SSBP3: variants seen among roughly 807,000 people sequenced by gnomAD.
SSBP3 encodes the protein single stranded DNA binding protein 3.
In SSBP3, 5 loss-of-function variants were observed where a neutral mutation model predicts 69.6. That is an observed-to-expected ratio of 0.07 (90% confidence interval 0.04 to 0.15). The LOEUF is 0.15. Ranked by LOEUF, SSBP3 falls within the 10% of genes least tolerant of loss-of-function variation. The pLI, the probability that SSBP3 is intolerant of heterozygous loss-of-function variation, is 1.00. For missense variants in SSBP3, 312 were observed against 534.0 expected (o/e 0.58, Z 4.10); for synonymous variants, 196 against 193.4 (o/e 1.01, Z -0.11).
chr1:54,346,682 G>A (rs1409896034), intron 4 of SSBP3, among the ~76,000 whole-genome samples: 5 of 151,978 alleles, frequency 3.3e-5, no homozygotes, highest in African/African-American at 1.2e-4. Flanking sequence ...GGGCATGGTC[G>A]TGGGCACCTG....
At chr1:54,225,875 C>G (rs544360498) in exon 18 of SSBP3, 1 of 152,616 alleles carries the variant, frequency 6.6e-6, no homozygotes, top group East Asian at 1.9e-4. Context: ...GTTTGGTTGT[C>G]GGTGTCCCCC....
chr1:54,301,949 C>A (rs1479477222), intron 4 of SSBP3, among the ~76,000 whole-genome samples: 2 of 152,242 alleles, frequency 1.3e-5, no homozygotes, highest in South Asian at 2.1e-4. Context: ...AACACAAACA[C>A]CCCAGCCCTA....
chr1:54,328,948 TCTC>T (rs1646358185), intron 4 of SSBP3, among the ~76,000 whole-genome samples: 1 of 152,194 alleles, frequency 6.6e-6, no homozygotes, highest in Admixed American at 6.5e-5. Flanking sequence ...GCGTGTGCAT[TCTC>T]CTCCTCTTCG....
chr1:54,337,139 T>C (rs1646521121), intron 4 of SSBP3, among the ~76,000 whole-genome samples: 1 of 152,234 alleles, frequency 6.6e-6, no homozygotes, highest in Non-Finnish European at 1.5e-5. Flanking sequence ...TTGTGACAGT[T>C]ACTGGCTCCC....
At chr1:54,402,054 A>AT (rs1649343758) in intron 3 of SSBP3, 109 bp from the exon 4 acceptor site, 1 of 835,742 alleles carries the variant, frequency 1.2e-6, no homozygotes, top group East Asian at 2.6e-5. Flanking sequence ...CAAAGGCTCA[A>AT]TCCCACCTTA....
intron 4 of SSBP3, among the ~76,000 whole-genome samples, chr1:54,366,623 TG>T (rs1647033084): frequency 6.6e-6 from 1 of 152,340 alleles, no homozygotes; most frequent in African/African-American, 2.4e-5. Flanking sequence ...TAGTTATACC[TG>T]GTACCAGGAT....
intron 4 of SSBP3, among the ~76,000 whole-genome samples, chr1:54,382,481 G>A (rs376926889): frequency 1.6e-4 from 25 of 152,274 alleles, no homozygotes; most frequent in South Asian, 8.3e-4. Flanking sequence ...GTAGCCAAAC[G>A]GCAGAGGCAT....
At chr1:54,238,448 T>C in intron 14 of SSBP3, 1 of 393,500 alleles carries the variant, frequency 2.5e-6, no homozygotes, top group Middle Eastern at 4.3e-4. Flanking sequence ...AATGGAAGGG[T>C]TGCCTGTGGA....
chr1:54,362,645 A>AAAT (rs1233695791), intron 4 of SSBP3, among the ~76,000 whole-genome samples: 3 of 152,316 alleles, frequency 2.0e-5, no homozygotes, highest in Non-Finnish European at 4.4e-5. Flanking sequence ...CCACCCTATA[A>AAAT]GCTCCCGGCC....
At chr1:54,337,064 A>G (rs1646519709) in intron 4 of SSBP3, among the ~76,000 whole-genome samples, 1 of 152,240 alleles carries the variant, frequency 6.6e-6, no homozygotes, top group African/African-American at 2.4e-5. Flanking sequence ...AACCAAGCAA[A>G]GTGCGCTGCC....
At chr1:54,407,161 G>A (rs1408232465), upstream of SSBP3, among the ~76,000 whole-genome samples, 7 of 152,138 alleles carry the variant, frequency 4.6e-5, no homozygotes, top group Non-Finnish European at 8.8e-5. Flanking sequence ...CCGGGGGGGA[G>A]GGGGGCTGGG....
At chr1:54,262,558 G>A (rs1403418199) in intron 5 of SSBP3, among the ~76,000 whole-genome samples, 1 of 152,190 alleles carries the variant, frequency 6.6e-6, no homozygotes, top group Non-Finnish European at 1.5e-5. Context: ...ACCCTGAGGA[G>A]CTGCCAGGCT....
intron 14 of SSBP3, chr1:54,238,376 G>A (rs912742439): frequency 8.6e-6 from 4 of 467,830 alleles, no homozygotes; most frequent in Middle Eastern, 3.2e-4. Context: ...CTGAGCTCCT[G>A]GAGGGGCAAG....
intron 4 of SSBP3, among the ~76,000 whole-genome samples, chr1:54,305,062 G>T (rs1051715119): frequency 5.9e-5 from 9 of 152,176 alleles, no homozygotes; most frequent in African/African-American, 1.9e-4. Flanking sequence ...GAGAAAGGCC[G>T]AGCAGAGACC....
At chr1:54,240,990 C>A (rs1288929317) in intron 12 of SSBP3, 31 bp from the exon 13 acceptor site, 6 of 1,590,538 alleles carry the variant, frequency 3.8e-6, no homozygotes, top group South Asian at 3.4e-5. Flanking sequence ...ACATCAGACA[C>A]CCACGGTGGT....
chr1:54,261,839 C>G (rs1570292209), intron 5 of SSBP3, among the ~76,000 whole-genome samples: 1 of 152,146 alleles, frequency 6.6e-6, no homozygotes. Flanking sequence ...GGGGTCCTTA[C>G]TAGATGCTTA....
chr1:54,374,605 G>C (rs1467908925), intron 4 of SSBP3, among the ~76,000 whole-genome samples: 1 of 152,154 alleles, frequency 6.6e-6, no homozygotes, highest in Non-Finnish European at 1.5e-5. Flanking sequence ...CCAAGGTGAA[G>C]AAGCAAGTCA....
At chr1:54,242,508 G>A (rs573674404) in intron 10 of SSBP3, among the ~76,000 whole-genome samples, 74 of 152,202 alleles carry the variant, frequency 4.9e-4, no homozygotes, top group Admixed American at 1.0e-3. Flanking sequence ...CTCACAACAG[G>A]GTTAAAAATC....
Position 54,233,185 on chromosome 1 carries a change from G to T in SSBP3, c.928-4359C>A, listed in dbSNP as rs531725258. 2.0e-5 allele frequency among the ~76,000 whole-genome samples: 3 copies of T among 151,636 alleles called. No individual in the cohort carries two copies. The South Asian group carries it at 6.3e-4, about 32-fold the overall frequency. On this transcript the variant is annotated intron_variant, in intron 14 of 17. Transcript: ENST00000610401. ...CATCTAGGAAGTGAGGAGCGTCTCT[G>T]CCCGGCCACCCATCGTCTGAGATGT...
Sources: gnomAD v4.1 joint callset for allele counts (sites outside exome capture counted in the v4.1 genomes callset) on GRCh38, gnomAD v4.1.1 for gene constraint, MANE v1.5 for transcripts, NCBI Gene and HGNC (gene_info 2026-07-23, HGNC 2026-07-21) for gene names.